The following DIS3L2 variants were observed in gnomAD, a reference collection of about 807,000 sequenced individuals.
DIS3L2 encodes DIS3-like exonuclease 2.
In DIS3L2, 34 loss-of-function variants were observed where a neutral mutation model predicts 97.5. That is an observed-to-expected ratio of 0.35 (90% CI 0.27 to 0.46). The LOEUF (loss-of-function observed/expected upper bound fraction) is 0.46, where lower values mean the gene tolerates loss of function less well. DIS3L2 is among the 20% of genes least tolerant of loss of function. The probability of loss-of-function intolerance (pLI) is 1.00; values close to 1 mark genes in which losing one functional copy is unlikely to be tolerated. For synonymous variants in DIS3L2, 435 were observed against 445.2 expected (o/e 0.98, Z 0.29); for missense variants, 1,038 against 1,146.0 (o/e 0.91, Z 1.36).
intron 10 of DIS3L2, among the ~76,000 whole-genome samples, chr2:232,214,527 A>G (rs1692280551): frequency 6.6e-6 from 1 of 152,094 alleles, no homozygotes; most frequent in African/African-American, 2.4e-5. Flanking sequence ...AAAATTCTCA[A>G]CTTAGCATCC....
intron 13 of DIS3L2, among the ~76,000 whole-genome samples, chr2:232,290,329 C>G (rs749993402): frequency 6.6e-6 from 1 of 152,204 alleles, no homozygotes; most frequent in Non-Finnish European, 1.5e-5. Context: ...AGGTCCTGAT[C>G]GGGAAGCTGC....
At chr2:232,104,001 A>G (rs986615853) in intron 6 of DIS3L2, among the ~76,000 whole-genome samples, 1 of 150,980 alleles carries the variant, frequency 6.6e-6, no homozygotes, top group Admixed American at 6.6e-5. Context: ...GTCCCCCCCC[A>G]CCACCTTTTT....
chr2:232,063,957 C>T (rs1350532232), intron 5 of DIS3L2, among the ~76,000 whole-genome samples: 1 of 151,846 alleles, frequency 6.6e-6, no homozygotes, highest in Non-Finnish European at 1.5e-5. Context: ...AGATCATAAC[C>T]TTGGCTTGTA....
chr2:232,253,635 G>A (rs1269228650), intron 12 of DIS3L2, among the ~76,000 whole-genome samples: 1 of 152,122 alleles, frequency 6.6e-6, no homozygotes, highest in Non-Finnish European at 1.5e-5. Context: ...TCATGTATTA[G>A]GAGGATTAAG....
intron 8 of DIS3L2, among the ~76,000 whole-genome samples, chr2:232,162,806 T>TG (rs368268788): frequency 1.2e-4 from 18 of 152,316 alleles, no homozygotes; most frequent in African/African-American, 4.3e-4. Context: ...GCTGTCAATT[T>TG]GGTAAGGAGT....
chr2:232,249,146 G>A lies in DIS3L2; in HGVS notation c.1318-93G>A, dbSNP rs370660643. ...CCACCTCCATCTTCAGCTTGCTCTG[G>A]AAAAGCTGAAGCTGTTCACCAAAAC... is the stretch of plus-strand genomic sequence containing the variant. On this transcript the variant is annotated intron_variant, in intron 11 of 20. Transcript: ENST00000325385. The A allele has an allele frequency of 7.4e-6, 9 of 1,219,084 alleles. No homozygotes were observed. In the African/African-American group the frequency reaches 1.0e-4, roughly 14 times the overall value. The allele number at this position is 1,219,084 out of a possible 1,614,324, so 75.5% of individuals were successfully genotyped here.
chr2:232,172,268 A>G (rs1381368401), intron 9 of DIS3L2, among the ~76,000 whole-genome samples: 3 of 152,098 alleles, frequency 2.0e-5, no homozygotes, highest in African/African-American at 7.2e-5. Context: ...TGTCACCCCA[A>G]AAATCAATTC....
rs1693291541 is a variant in DIS3L2, at chr2:232,247,619, GGGGGGGGGGGGGGGGGC to G, written c.1318-1612_1318-1596del. On this transcript the variant is annotated intron_variant, in intron 11 of 20. Coordinates refer to ENST00000325385, the MANE Select transcript of DIS3L2 (RefSeq NM_152383.5). ...GGGCTTCAACATATAACTGCCGCGG[GGGGGGGGGGGGGGGGGC>G]GGGGGGGAGGGTGCCAATTCAGTCC... 3.4e-4 allele frequency among the ~76,000 whole-genome samples: 12 copies of G among 34,884 alleles called. 1 individual carries two copies. The East Asian group carries it at 6.6e-3, about 19-fold the overall frequency. The allele number at this position is 34,884 out of a possible 152,430, so 22.9% of individuals were successfully genotyped here. A position where few individuals can be genotyped will look rare whatever the true frequency, so the allele number is the denominator to read the frequency against.
intron 1 of DIS3L2, 114 bp from the exon 2 acceptor site, chr2:232,014,721 A>G (rs1694304412): frequency 4.1e-6 from 2 of 493,052 alleles, no homozygotes; most frequent in South Asian, 7.2e-5. Context: ...ATGTGATGCC[A>G]GAACCCAGGA....
chr2:232,257,756 T>C (rs1454599673), intron 12 of DIS3L2, among the ~76,000 whole-genome samples: 1 of 152,244 alleles, frequency 6.6e-6, no homozygotes, highest in Non-Finnish European at 1.5e-5. Context: ...TGGAACTGAA[T>C]AATTTTCAAA....
intron 7 of DIS3L2, among the ~76,000 whole-genome samples, chr2:232,132,388 A>T (rs142631845): frequency 1.3e-5 from 2 of 152,344 alleles, no homozygotes; most frequent in African/African-American, 4.8e-5. Flanking sequence ...TTCAGACAAG[A>T]TGGCATAGAC....
chr2:232,055,184 C>T (rs139931022), intron 5 of DIS3L2, among the ~76,000 whole-genome samples: 1,608 of 152,242 alleles, frequency 0.011, 28 homozygotes, highest in African/African-American at 0.036. Context: ...GGGAATGAAG[C>T]GAGGATGCTC....
At chr2:231,987,572 C>T (rs952440266) in intron 1 of DIS3L2, among the ~76,000 whole-genome samples, 5 of 152,168 alleles carry the variant, frequency 3.3e-5, no homozygotes, top group South Asian at 2.1e-4. Flanking sequence ...GGAACTTTGC[C>T]ACGGAACTGA....
intron 14 of DIS3L2, among the ~76,000 whole-genome samples, chr2:232,320,271 G>T (rs1045632194): frequency 6.6e-6 from 1 of 152,180 alleles, no homozygotes; most frequent in Non-Finnish European, 1.5e-5. Flanking sequence ...AATGAATGCA[G>T]AGCTCTGCCA....
At chr2:231,980,708 G>GA (rs1186478598) in intron 1 of DIS3L2, among the ~76,000 whole-genome samples, 9 of 146,952 alleles carry the variant, frequency 6.1e-5, no homozygotes, top group East Asian at 2.0e-4. Context: ...GAGAGAGAGA[G>GA]AAAAAAAAAA....
chr2:232,269,529 G>A lies in DIS3L2; in HGVS notation c.1659+6089G>A, dbSNP rs116091811. 5.5e-3 allele frequency among the ~76,000 whole-genome samples: 836 copies of A among 152,312 alleles called. 5 individuals are homozygous for A. The highest frequency in any genetic ancestry group is 8.5e-3 in the Non-Finnish European group (581 of 68,022). On this transcript the variant is annotated intron_variant, in intron 13 of 20. Coordinates refer to ENST00000325385, the MANE Select transcript of DIS3L2 (RefSeq NM_152383.5). The surrounding 1 kb of genome is among the most constrained non-coding windows in gnomAD (Gnocchi z 4.5). ...AGAGCCAGCAGGCCACACAGAAAAT[G>A]TAAAGTGATGTGACAGAACTCTGCC...
At chr2:232,205,260 G>C (rs771628437) in intron 9 of DIS3L2, among the ~76,000 whole-genome samples, 2 of 147,086 alleles carry the variant, frequency 1.4e-5, no homozygotes, top group African/African-American at 5.1e-5. Flanking sequence ...ATTTTTTGTT[G>C]TTGTTTGTTT....
At chr2:232,188,237 A>T (rs1691502497) in intron 9 of DIS3L2, among the ~76,000 whole-genome samples, 1 of 152,230 alleles carries the variant, frequency 6.6e-6, no homozygotes, top group African/African-American at 2.4e-5. Context: ...AAAACATGGA[A>T]TGATTGCCAT....
intron 14 of DIS3L2, among the ~76,000 whole-genome samples, chr2:232,306,415 TC>T (rs1417230569): frequency 1.3e-5 from 2 of 152,224 alleles, no homozygotes; most frequent in Non-Finnish European, 2.9e-5. Flanking sequence ...CGTCTGATAC[TC>T]CCGGCCCCCA....
Sources: allele counts gnomAD v4.1 joint callset (sites outside exome capture counted in the v4.1 genomes callset), GRCh38; gene constraint gnomAD v4.1.1; non-coding constraint Gnocchi (gnomAD v3.1); transcripts MANE v1.5; gene names NCBI Gene and HGNC (gene_info 2026-07-23, HGNC 2026-07-21).